Variants in RGS7 observed in about 807,000 individuals in gnomAD.
RGS7 encodes the protein regulator of G-protein signaling 7.
RGS7 carries 27 observed loss-of-function variants against 81.1 expected under a neutral mutation model. The ratio of observed to expected loss-of-function variants is 0.33; its 90% CI spans 0.25 to 0.46. The LOEUF is 0.46. Ranked by LOEUF, RGS7 falls within the 20% of genes least tolerant of loss-of-function variation. The pLI is 1.00. For missense variants in RGS7, 396 were observed against 607.4 expected, an observed-to-expected ratio of 0.65 and a Z score of 3.66; for synonymous variants, 208 against 207.7, an observed-to-expected ratio of 1.00 and a Z score of -0.01.
intron 2 of RGS7, among the ~76,000 whole-genome samples, chr1:241,182,825 T>TTTTG (rs71172686): frequency 0.32 from 48,420 of 149,838 alleles, 8,634 homozygotes; most frequent in East Asian, 0.4. Flanking sequence ...ATTTTTCGGT[T>TTTTG]TTTGTTTGTT....
At chr1:241,190,285 T>C (rs1471843692) in intron 2 of RGS7, among the ~76,000 whole-genome samples, 5 of 152,212 alleles carry the variant, frequency 3.3e-5, no homozygotes, top group Non-Finnish European at 7.3e-5. Flanking sequence ...ATTTTTCTTT[T>C]CAAAATTGTT....
At chr1:241,100,938 A>G (rs1438454782) in intron 2 of RGS7, among the ~76,000 whole-genome samples, 1 of 152,178 alleles carries the variant, frequency 6.6e-6, no homozygotes, top group Non-Finnish European at 1.5e-5. Flanking sequence ...CTGACTTATC[A>G]GACAGAAGAG....
At chr1:240,923,801 C>T (rs1295228283) in intron 6 of RGS7, among the ~76,000 whole-genome samples, 1 of 151,756 alleles carries the variant, frequency 6.6e-6, no homozygotes, top group Non-Finnish European at 1.5e-5. Context: ...TAAATAATGT[C>T]TACTTTTAGA....
chr1:240,926,259 G>A (rs1026523003), intron 6 of RGS7, among the ~76,000 whole-genome samples: 1 of 151,982 alleles, frequency 6.6e-6, no homozygotes, highest in Admixed American at 6.6e-5. Context: ...TTTCTTCTAG[G>A]GTTTTTATAT....
intron 2 of RGS7, among the ~76,000 whole-genome samples, chr1:241,149,271 A>T (rs1282860405): frequency 6.6e-6 from 1 of 152,004 alleles, no homozygotes; most frequent in African/African-American, 2.4e-5. Context: ...GGTTCAGGTG[A>T]TTCTCCTGCC....
At chr1:240,945,626 C>T (rs959874730) in intron 4 of RGS7, among the ~76,000 whole-genome samples, 1 of 152,182 alleles carries the variant, frequency 6.6e-6, no homozygotes, top group Non-Finnish European at 1.5e-5. Context: ...AATTTCAAAG[C>T]CACAGGCTTG....
intron 9 of RGS7, among the ~76,000 whole-genome samples, chr1:240,859,219 T>C (rs1661701278): frequency 6.6e-6 from 1 of 152,096 alleles, no homozygotes; most frequent in Admixed American, 6.5e-5. Context: ...AGACTGGTCT[T>C]GAACAACTGG....
intron 9 of RGS7, among the ~76,000 whole-genome samples, chr1:240,863,005 A>C (rs1420434593): frequency 6.6e-6 from 1 of 151,324 alleles, no homozygotes; most frequent in East Asian, 2.0e-4. Flanking sequence ...CCTAGGCTGG[A>C]GTGCAGTGGC....
At chr1:240,797,126 T>C in intron 18 of RGS7, among the ~76,000 whole-genome samples, 1 of 152,124 alleles carries the variant, frequency 6.6e-6, no homozygotes, top group East Asian at 1.9e-4. Context: ...CCACAACCAA[T>C]TAGTCTTCAG....
At chr1:240,916,846 T>A (rs76721398) in intron 6 of RGS7, among the ~76,000 whole-genome samples, 2,407 of 152,258 alleles carry the variant, frequency 0.016, 61 homozygotes, top group African/African-American at 0.055. Context: ...TACAGTCTGT[T>A]ATATTTTGTT....
rs773667266 is a variant in RGS7 at position 240,802,862 on chromosome 1, G to C, written c.1359+42C>G. On this transcript the variant is annotated intron_variant, in intron 16 of 18. Transcript: ENST00000440928. ...GTAATTACTCCAAATAATTATAACT[G>C]AGAACTAGGCCAAGAAAAAACAACT... 102 of 1,250,940 alleles carry C rather than the reference G, an allele frequency of 8.2e-5. 1 individual carries two copies. In the South Asian group the frequency reaches 1.2e-3, roughly 14 times the overall value. 77.5% of individuals were successfully genotyped at this position (1,250,940 alleles called of 1,614,324 possible).
intron 2 of RGS7, among the ~76,000 whole-genome samples, chr1:241,344,515 G>C (rs1010366475): frequency 2.0e-5 from 3 of 152,130 alleles, no homozygotes; most frequent in Non-Finnish European, 4.4e-5. Context: ...TTACAGATGT[G>C]GAAATTCAGA....
In RGS7 at chr1:241,301,647, A is replaced by G. The variant is rs148611622; in HGVS notation, c.78+54052T>C. 7.7e-3 allele frequency among the ~76,000 whole-genome samples: 1,178 copies of G among 152,366 alleles called. 6 individuals are homozygous for G. The highest frequency in any genetic ancestry group is 0.012 in the Non-Finnish European group (846 of 68,030). Reference sequence around the variant, plus strand: ...CATCCTCATTAAAAATTGTGAATTTATTAAAATAATGGCAAAGTTATTTTG... The same window carrying G: ...CATCCTCATTAAAAATTGTGAATTTGTTAAAATAATGGCAAAGTTATTTTG... On this transcript the variant is annotated intron_variant, in intron 2 of 18. Transcript: ENST00000440928.
intron 2 of RGS7, among the ~76,000 whole-genome samples, chr1:241,243,437 G>T (rs1186098353): frequency 6.6e-6 from 1 of 152,216 alleles, no homozygotes; most frequent in Non-Finnish European, 1.5e-5. Flanking sequence ...AAAGAGACCA[G>T]TAAGAGGATT....
chr1:241,155,492 G>A (rs1431173296), intron 2 of RGS7, among the ~76,000 whole-genome samples: 2 of 150,236 alleles, frequency 1.3e-5, no homozygotes. Flanking sequence ...CTTTTTTAGG[G>A]ATCAATGAAA....
At chr1:240,976,536 G>A (rs1684086071) in intron 4 of RGS7, among the ~76,000 whole-genome samples, 1 of 152,166 alleles carries the variant, frequency 6.6e-6, no homozygotes. Context: ...TCTTCGTAAT[G>A]TGGGTGGGCT....
At chr1:240,881,512 C>G (rs931250780) in intron 6 of RGS7, among the ~76,000 whole-genome samples, 1 of 152,048 alleles carries the variant, frequency 6.6e-6, no homozygotes, top group African/African-American at 2.4e-5. Context: ...TAAAAAAAAG[C>G]AGGGTTTTCA....
chr1:240,979,264 A>C (rs554480795), intron 4 of RGS7, among the ~76,000 whole-genome samples: 48 of 152,334 alleles, frequency 3.2e-4, no homozygotes, highest in Non-Finnish European at 6.2e-4. Flanking sequence ...ATGACACATT[A>C]AATTAGCATA....
At chr1:241,224,473 C>T (rs1457071255) in intron 2 of RGS7, among the ~76,000 whole-genome samples, 1 of 151,998 alleles carries the variant, frequency 6.6e-6, no homozygotes, top group East Asian at 1.9e-4. Flanking sequence ...ATATGTGGTA[C>T]ATTTTCTTTA....
Sources: allele counts gnomAD v4.1 joint callset (sites outside exome capture counted in the v4.1 genomes callset), GRCh38; gene constraint gnomAD v4.1.1; transcripts MANE v1.5; gene names NCBI Gene and HGNC (gene_info 2026-07-23, HGNC 2026-07-21).